The following LRRC37A2 variants were observed in gnomAD, a reference collection of about 807,000 sequenced individuals.
LRRC37A2 encodes the protein leucine rich repeat containing 37 member A2.
In LRRC37A2, 9 loss-of-function variants were observed where a neutral mutation model predicts 68.8. The ratio of observed to expected loss-of-function variants is 0.13; its 90% CI spans 0.08 to 0.23. LRRC37A2 has a LOEUF of 0.23. Ranked by LOEUF, LRRC37A2 falls within the 10% of genes least tolerant of loss-of-function variation. LRRC37A2 has a pLI of 1.00. For synonymous variants in LRRC37A2, 63 were observed against 367.6 expected (o/e 0.17, Z 9.48); for missense variants, 168 against 950.4 (o/e 0.18, Z 10.82).
the LRRC37A2 span, chr17:47,017,836 C>T: frequency 1.2e-6 from 2 of 1,610,524 alleles, no homozygotes; most frequent in South Asian, 2.2e-5. Context: ...CAAGTTGGAC[C>T]TTCTCAATTC....
chr17:46,775,274 C>T, the LRRC37A2 span, among the ~76,000 whole-genome samples: 12 of 152,258 alleles, frequency 7.9e-5, no homozygotes, highest in South Asian at 2.1e-4. Context: ...AGCTTGCCTA[C>T]GGCTTTTTGG....
At chr17:46,856,684 A>G in the LRRC37A2 span, among the ~76,000 whole-genome samples, 3 of 151,798 alleles carry the variant, frequency 2.0e-5, no homozygotes, top group Non-Finnish European at 2.9e-5. Flanking sequence ...CGGTTTCACC[A>G]TGTTGGCCAA....
chr17:46,988,557 G>A, the LRRC37A2 span, among the ~76,000 whole-genome samples: 2 of 152,102 alleles, frequency 1.3e-5, no homozygotes, highest in South Asian at 2.1e-4. Flanking sequence ...AAAGTGGGAG[G>A]GGATTCTGGA....
At chr17:46,824,939 G>A in the LRRC37A2 span, among the ~76,000 whole-genome samples, 2 of 152,234 alleles carry the variant, frequency 1.3e-5, no homozygotes, top group Non-Finnish European at 2.9e-5. Flanking sequence ...AGGGTGGGCA[G>A]CCTGTTGGGA....
chr17:46,974,627 G>A, the LRRC37A2 span, among the ~76,000 whole-genome samples: 1 of 152,030 alleles, frequency 6.6e-6, no homozygotes, highest in African/African-American at 2.4e-5. Flanking sequence ...CCAGCTACTC[G>A]GGAGGCTGAG....
At chr17:46,736,911 C>T in the LRRC37A2 span, among the ~76,000 whole-genome samples, 1 of 152,202 alleles carries the variant, frequency 6.6e-6, no homozygotes, top group Non-Finnish European at 1.5e-5. Flanking sequence ...CAGTGCCATG[C>T]TCCCCATCTA....
chr17:46,746,629 C>T, the LRRC37A2 span, among the ~76,000 whole-genome samples: 3 of 151,860 alleles, frequency 2.0e-5, no homozygotes, highest in African/African-American at 4.8e-5. Flanking sequence ...AAACTTATTC[C>T]TTTTTCATTT....
chr17:46,923,196 G>C, the LRRC37A2 span: 47 of 1,547,156 alleles, frequency 3.0e-5, no homozygotes, highest in Non-Finnish European at 4.0e-5. Flanking sequence ...CGGCGACATG[G>C]ATCCCCTGTT....
chr17:46,974,095 C>T, the LRRC37A2 span, among the ~76,000 whole-genome samples: 1 of 152,248 alleles, frequency 6.6e-6, no homozygotes, highest in South Asian at 2.1e-4. Context: ...TTCTAGGGGA[C>T]ATCTTGCTGG....
chr17:46,767,924 G>T, the LRRC37A2 span, among the ~76,000 whole-genome samples: 5 of 152,190 alleles, frequency 3.3e-5, no homozygotes, highest in Admixed American at 2.0e-4. Context: ...AAGCAGCTGG[G>T]ATTACAGGCA....
the LRRC37A2 span, among the ~76,000 whole-genome samples, chr17:46,781,768 C>A: frequency 6.6e-6 from 1 of 152,200 alleles, no homozygotes; most frequent in African/African-American, 2.4e-5. Context: ...GCATCCCCAG[C>A]CTTCAACTTC....
the LRRC37A2 span, among the ~76,000 whole-genome samples, chr17:46,975,891 T>TG: frequency 5.1e-5 from 4 of 78,758 alleles, no homozygotes; most frequent in East Asian, 8.5e-4. Context: ...AGAAGAAAGA[T>TG]AAAGGAAGGA....
At chr17:46,864,269 A>G in the LRRC37A2 span, among the ~76,000 whole-genome samples, 9 of 152,294 alleles carry the variant, frequency 5.9e-5, no homozygotes, top group Non-Finnish European at 1.2e-4. Flanking sequence ...TGCCACCAGG[A>G]GTGCGGTTTC....
chr17:46,880,570 T>C, the LRRC37A2 span, among the ~76,000 whole-genome samples: 224 of 152,342 alleles, frequency 1.5e-3, no homozygotes, highest in African/African-American at 5.0e-3. Flanking sequence ...ATTTACTTTG[T>C]CTCAATTTAT....
chr17:46,974,836 C>T, the LRRC37A2 span, among the ~76,000 whole-genome samples: 2 of 152,146 alleles, frequency 1.3e-5, no homozygotes, highest in African/African-American at 4.8e-5. Flanking sequence ...GCCTCAGTTT[C>T]CTCATCTGTA....
At chr17:46,837,167 T>C in the LRRC37A2 span, among the ~76,000 whole-genome samples, 17 of 152,336 alleles carry the variant, frequency 1.1e-4, no homozygotes, top group Middle Eastern at 6.8e-3. Flanking sequence ...GGTCTTGATC[T>C]CTTGACCTCG....
chr17:46,403,940 T>G, the LRRC37A2 span, among the ~76,000 whole-genome samples: 1 of 58,932 alleles, frequency 1.7e-5, no homozygotes, highest in Admixed American at 1.7e-4. Context: ...GACCTCATGA[T>G]CCACCCACCT....
the LRRC37A2 span, among the ~76,000 whole-genome samples, chr17:46,953,847 G>T: frequency 6.6e-6 from 1 of 152,318 alleles, no homozygotes; most frequent in East Asian, 1.9e-4. Context: ...CTTTTGAGAA[G>T]TGTATGTTCA....
At chr17:47,007,667 C>T in the LRRC37A2 span, among the ~76,000 whole-genome samples, 2 of 152,068 alleles carry the variant, frequency 1.3e-5, no homozygotes, top group Non-Finnish European at 1.5e-5. Flanking sequence ...AGGAATGCTA[C>T]ATTTTCTAGG....
Sources: gnomAD v4.1 joint callset for allele counts (sites outside exome capture counted in the v4.1 genomes callset) on GRCh38, gnomAD v4.1.1 for gene constraint, MANE v1.5 for transcripts, NCBI Gene and HGNC (gene_info 2026-07-23, HGNC 2026-07-21) for gene names.